The following LARGE1 variants were observed in gnomAD, a reference collection of about 807,000 sequenced individuals.
LARGE1 encodes LARGE xylosyl- and glucuronyltransferase 1.
In LARGE1, 43 loss-of-function variants were observed where a neutral mutation model predicts 87.6. The observed-to-expected ratio is 0.49, with a 90% CI of 0.38 to 0.63. LARGE1 has a LOEUF of 0.63. Ranked by LOEUF, LARGE1 falls within the 30% of genes least tolerant of loss-of-function variation. The pLI, the probability that LARGE1 is intolerant of heterozygous loss-of-function variation, is 0.00. For synonymous variants in LARGE1, 434 were observed against 394.6 expected (o/e 1.10, Z -1.18); for missense variants, 802 against 1,000.2 (o/e 0.80, Z 2.67).
At chr22:33,491,899 G>C (rs1469387465) in intron 6 of LARGE1, among the ~76,000 whole-genome samples, 1 of 152,146 alleles carries the variant, frequency 6.6e-6, no homozygotes, top group East Asian at 1.9e-4. Flanking sequence ...AACCATTCCC[G>C]AGGCAGCTGA....
At chr22:33,175,413 C>T (rs1007340690) in intron 11 of LARGE1, among the ~76,000 whole-genome samples, 1 of 152,170 alleles carries the variant, frequency 6.6e-6, no homozygotes, top group Admixed American at 6.5e-5. Context: ...ACCCCATCAT[C>T]TCAGCCCAAA....
chr22:33,630,597 GA>G (rs2080078017), intron 3 of LARGE1, among the ~76,000 whole-genome samples: 1 of 151,800 alleles, frequency 6.6e-6, no homozygotes, highest in Admixed American at 6.6e-5. Context: ...TAATATAAGA[GA>G]AAAAAATGGT....
At chr22:33,449,459 G>GT (rs1377820032) in intron 6 of LARGE1, among the ~76,000 whole-genome samples, 2 of 152,146 alleles carry the variant, frequency 1.3e-5, no homozygotes, top group African/African-American at 4.8e-5. Flanking sequence ...ACAGGTGTGG[G>GT]TTTTAGATTA....
intron 2 of LARGE1, chr22:33,727,690 T>A (rs2083312472): frequency 6.6e-6 from 1 of 152,218 alleles, no homozygotes; most frequent in African/African-American, 2.4e-5. Flanking sequence ...ATCTTATAGA[T>A]GCAGAAAGTA....
chr22:33,077,634 G>A, the LARGE1 span, among the ~76,000 whole-genome samples: 11 of 152,166 alleles, frequency 7.2e-5, no homozygotes, highest in African/African-American at 1.9e-4. Context: ...AGAAAGAGAA[G>A]GGGTATTTGT....
chr22:33,855,328 C>A (rs954873746), intron 1 of LARGE1, among the ~76,000 whole-genome samples: 1 of 151,686 alleles, frequency 6.6e-6, no homozygotes, highest in Non-Finnish European at 1.5e-5. Flanking sequence ...AGCGGGACCC[C>A]GTCTCAAAAA....
rs552636099 is a variant in LARGE1, at chr22:33,181,674, G to A, written c.1731-14842C>T. Among the ~76,000 whole-genome samples the A allele has an allele frequency of 1.7e-3, 256 of 151,846 alleles. 1 individual carries two copies. Among genetic ancestry groups the A allele is most frequent in the African/African-American group, 5.9e-3 (246 of 41,426 alleles). On this transcript the variant is annotated intron_variant, in intron 11 of 11. Transcript: ENST00000608642. Reference sequence around the variant, plus strand: ...CTCCTGAGTAGCTGGGATTACAAGCGCCCGCCACCACACCCGGGTAATTTT... The same window carrying A: ...CTCCTGAGTAGCTGGGATTACAAGCACCCGCCACCACACCCGGGTAATTTT...
At chr22:33,344,159 A>C (rs1211444817) in intron 9 of LARGE1, among the ~76,000 whole-genome samples, 1 of 152,216 alleles carries the variant, frequency 6.6e-6, no homozygotes, top group Non-Finnish European at 1.5e-5. Context: ...CAATACCCTC[A>C]CAGACACACC....
At chr22:33,089,345 C>G in the LARGE1 span, among the ~76,000 whole-genome samples, 2 of 77,260 alleles carry the variant, frequency 2.6e-5, no homozygotes, top group Admixed American at 2.6e-4. Context: ...TCTTCTTCTT[C>G]TTCTTCTTCT....
intron 4 of LARGE1, among the ~76,000 whole-genome samples, chr22:33,606,503 TAGCTCTCGGCCGTCGG>T (rs1256950399): frequency 1.3e-5 from 2 of 152,064 alleles, no homozygotes; most frequent in African/African-American, 4.8e-5. Flanking sequence ...ACTGGCCTTT[TAGCTCTCGGCCGTCGG>T]CATGGTCACT....
At chr22:33,776,290 G>A (rs5754665) in intron 1 of LARGE1, among the ~76,000 whole-genome samples, 20,883 of 152,150 alleles carry the variant, frequency 0.14, 1,625 homozygotes, top group Middle Eastern at 0.25. Flanking sequence ...GCAGGCAGGT[G>A]GTGTGGACAT....
chr22:33,892,693 A>T (rs2065034247), intron 1 of LARGE1, among the ~76,000 whole-genome samples: 1 of 152,362 alleles, frequency 6.6e-6, no homozygotes, highest in African/African-American at 2.4e-5. Context: ...TTTCACTAGC[A>T]GCCACTGTGA....
chr22:33,367,822 A>T (rs2064652951), intron 9 of LARGE1, among the ~76,000 whole-genome samples: 2 of 152,168 alleles, frequency 1.3e-5, no homozygotes, highest in South Asian at 4.1e-4. Flanking sequence ...ACATTTAAGG[A>T]TATACATTTC....
intron 5 of LARGE1, among the ~76,000 whole-genome samples, chr22:33,576,753 T>C (rs927094327): frequency 6.6e-6 from 1 of 152,194 alleles, no homozygotes; most frequent in African/African-American, 2.4e-5. Flanking sequence ...ATAAGTGTAG[T>C]ATTTGCATAT....
At chr22:33,172,523 T>C (rs776691903) in intron 11 of LARGE1, among the ~76,000 whole-genome samples, 9 of 152,160 alleles carry the variant, frequency 5.9e-5, no homozygotes, top group Non-Finnish European at 1.2e-4. Context: ...CCTTCATGAT[T>C]GTAAGCTTCC....
intron 11 of LARGE1, among the ~76,000 whole-genome samples, chr22:33,213,896 T>G (rs955442495): frequency 2.6e-5 from 4 of 152,094 alleles, no homozygotes; most frequent in Non-Finnish European, 5.9e-5. Context: ...TGGCGCAATC[T>G]CCGCTCACTG....
intron 9 of LARGE1, among the ~76,000 whole-genome samples, chr22:33,372,856 T>A (rs2064863946): frequency 6.6e-6 from 1 of 152,150 alleles, no homozygotes; most frequent in African/African-American, 2.4e-5. Flanking sequence ...AAAGTATATT[T>A]AGAATGGAAA....
At chr22:33,672,398 C>T (rs2081443187) in intron 2 of LARGE1, among the ~76,000 whole-genome samples, 1 of 152,206 alleles carries the variant, frequency 6.6e-6, no homozygotes, top group Non-Finnish European at 1.5e-5. Context: ...TAACCTCTTG[C>T]CCCCACTTCC....
intron 12 of LARGE1, among the ~76,000 whole-genome samples, chr22:33,286,337 C>T (rs1245544321): frequency 6.6e-6 from 1 of 152,068 alleles, no homozygotes; most frequent in East Asian, 1.9e-4. Flanking sequence ...GAGGTGGGTA[C>T]CTTATCTATT....
Sources: allele counts gnomAD v4.1 joint callset (sites outside exome capture counted in the v4.1 genomes callset), GRCh38; gene constraint gnomAD v4.1.1; transcripts MANE v1.5; gene names NCBI Gene and HGNC (gene_info 2026-07-23, HGNC 2026-07-21).